The following CRYBG2 variants were observed in gnomAD, a reference collection of about 807,000 sequenced individuals.
CRYBG2 encodes beta/gamma crystallin domain-containing protein 2.
In CRYBG2, 106 loss-of-function variants were observed where a neutral mutation model predicts 153.4. That is an observed-to-expected ratio of 0.69 (90% CI 0.59 to 0.81). The LOEUF (loss-of-function observed/expected upper bound fraction) is 0.81, where lower values mean the gene tolerates loss of function less well. CRYBG2 is among the 30% of genes least tolerant of loss of function. The probability of loss-of-function intolerance (pLI) is 0.00; values close to 1 mark genes in which losing one functional copy is unlikely to be tolerated. For synonymous variants in CRYBG2, 851 were observed against 877.8 expected, an observed-to-expected ratio of 0.97 and a Z score of 0.54; for missense variants, 1,996 against 2,112.0, an observed-to-expected ratio of 0.95 and a Z score of 1.08.
rs1229868517 is a variant in CRYBG2, at chr1:26,344,467, C to T, written c.2191G>A (p.Glu731Lys). The T allele has an allele frequency of 2.0e-6, 3 of 1,536,936 alleles. No individual in the cohort carries two copies. The highest frequency in any genetic ancestry group is 2.7e-5 in the African/African-American group (2 of 72,868). The change falls in exon 2 of 20, where the codon GAG (glutamate) becomes AAG (lysine). Residue 731 changes from glutamate (E) to lysine (K), a missense_variant. Transcript: ENST00000308182. ...GTPAPVPTGA[E>K]ASTESQLVSD... ...ACAAGCTGGGACTCCGTGCTGGCCT[C>T]TGCTCCTGTTGGCACTGGGGCAGGG... is the stretch of plus-strand genomic sequence containing the variant.
Position 26,345,692 on chromosome 1 carries a change from A to G in CRYBG2, c.966T>C (p.Asp322=). Residue 322 remains aspartate, a synonymous_variant, in exon 2 of 20, where the codon GAT becomes GAC. Transcript: ENST00000308182. The part of the protein sequence containing the change: ...CPDRDQGRAP[D]ARACELWQVL... ...CCTGCCAGAGCTCACAGGCCCTGGC[A>G]TCCGGGGCTCTGCCCTGGTCTCTGT... The G allele has an allele frequency of 1.9e-6, 3 of 1,598,318 alleles. No individual in the cohort carries two copies. Among genetic ancestry groups the G allele is most frequent in the Non-Finnish European group, 1.7e-6 (2 of 1,179,564 alleles).
intron 17 of CRYBG2, among the ~76,000 whole-genome samples, chr1:26,324,635 C>G (rs779220179): frequency 4.6e-5 from 7 of 152,016 alleles, no homozygotes; most frequent in Non-Finnish European, 8.8e-5. Context: ...ACAGAAGACA[C>G]AAACACATGG....
rs1463957479 is a variant in CRYBG2, at chr1:26,325,584, T to TA, written c.4579-1275dup. Among the ~76,000 whole-genome samples, 2 of 141,102 alleles carry TA rather than the reference T, an allele frequency of 1.4e-5. No homozygotes were observed. Among genetic ancestry groups the TA allele is most frequent in the African/African-American group, 2.7e-5 (1 of 37,234 alleles). The allele number at this position is 141,102 out of a possible 152,430, so 92.6% of individuals were successfully genotyped here. On this transcript the variant is annotated intron_variant, in intron 17 of 19. Transcript: ENST00000308182. This position sits in a 1 kb window ranked among gnomAD's most constrained non-coding sequence, Gnocchi z 4.1. ...CAAAAATAAATTAATTAATAAAAATTAAAAAAATGAATGCACTCCCACAGA... is the reference window on the plus strand; with the variant it reads ...CAAAAATAAATTAATTAATAAAAATTAAAAAAAATGAATGCACTCCCACAGA...
At position 26,343,239 on chromosome 1, in the gene CRYBG2, A is replaced by G; in HGVS notation, c.2961+7T>C. 1.9e-6 allele frequency: 3 copies of G among 1,549,420 alleles called. No homozygotes were observed. The highest frequency in any genetic ancestry group is 1.2e-5 in the South Asian group (1 of 83,994). ...CTGCCCCCACCCACTTGCCCCCACA[A>G]CCCTACCTTTCCAGGCCTGGTGTTC... On this transcript the variant is annotated splice_region_variant and intron_variant, in intron 3 of 19. Coordinates refer to ENST00000308182, the MANE Select transcript of CRYBG2 (RefSeq NM_001039775.4). This position sits in a 1 kb window ranked among gnomAD's most constrained non-coding sequence, Gnocchi z 4.1.
Position 26,329,753 on chromosome 1 carries a change from T to C in CRYBG2, c.4315-880A>G, listed in dbSNP as rs1260817111. Among the ~76,000 whole-genome samples, 3 of 151,920 alleles carry C rather than the reference T, an allele frequency of 2.0e-5. No individual in the cohort carries two copies. The East Asian group carries it at 5.8e-4, about 29-fold the overall frequency. ...TGCTGAAGTGCTATAATTTATTTAC[T>C]TTATTTTTTTGAGATGGAGTCTCAC... On this transcript the variant is annotated intron_variant, in intron 15 of 19. Transcript: ENST00000308182.
Position 26,346,232 on chromosome 1 carries a change from C to T in CRYBG2, c.426G>A (p.Glu142=), listed in dbSNP as rs376737367. The change falls in exon 2 of 20, where the codon GAG becomes GAA. Residue 142 remains glutamate (E), a synonymous_variant. Coordinates refer to ENST00000308182, the MANE Select transcript of CRYBG2 (RefSeq NM_001039775.4). The surrounding 1 kb of genome is among the most constrained non-coding windows in gnomAD (Gnocchi z 4.9). ...GGGGCCCAGGCAGGGGAACCAAAAG[C>T]TCAGTCCTGGCCATAGCTCCCACAC... is the stretch of plus-strand genomic sequence containing the variant. ...PPCVGAMART[E]LLVPLPGPRE... 2.0e-4 allele frequency: 311 copies of T among 1,576,394 alleles called. 2 individuals are homozygous for T. The South Asian group carries it at 2.5e-3, about 13-fold the overall frequency.
At chr1:26,340,909 G>A (rs761242085) in intron 5 of CRYBG2, among the ~76,000 whole-genome samples, 5 of 151,358 alleles carry the variant, frequency 3.3e-5, no homozygotes, top group Non-Finnish European at 7.4e-5. Flanking sequence ...GAGCCACCGC[G>A]TCCAGCCTCT....
chr1:26,342,636 C>A (rs1049168754), intron 5 of CRYBG2, 118 bp downstream of exon 5: 1 of 1,459,286 alleles, frequency 6.9e-7, no homozygotes, highest in Admixed American at 2.0e-5. Context: ...TGTCCTCAGC[C>A]GATCCACCTG....
At position 26,336,266 on chromosome 1, in the gene CRYBG2, C is replaced by T. The variant is rs2074053305; in HGVS notation, c.4072-59G>A. ...GACGATGGAGTGGGGCCGAGAACAG[C>T]GGGGAGGGGAAAGGTCCGAAATGAG... On this transcript the variant is annotated intron_variant, in intron 13 of 19. Coordinates refer to ENST00000308182, the MANE Select transcript of CRYBG2 (RefSeq NM_001039775.4). This position sits in a 1 kb window ranked among gnomAD's most constrained non-coding sequence, Gnocchi z 4.9. 5 of 1,597,658 alleles carry T rather than the reference C, an allele frequency of 3.1e-6. No homozygotes were observed. The highest frequency in any genetic ancestry group is 8.5e-7 in the Non-Finnish European group (1 of 1,170,862).
At chr1:26,341,470 ATGT>A (rs2074128542) in intron 5 of CRYBG2, among the ~76,000 whole-genome samples, 1 of 152,192 alleles carries the variant, frequency 6.6e-6, no homozygotes, top group African/African-American at 2.4e-5. Context: ...GGTGAAAACA[ATGT>A]TGTTGTTTTC....
intron 5 of CRYBG2, among the ~76,000 whole-genome samples, chr1:26,341,802 T>G (rs2074133712): frequency 6.6e-6 from 1 of 152,176 alleles, no homozygotes. Flanking sequence ...ATTATAATGT[T>G]AACTTTTCAA....
In CRYBG2 at chr1:26,345,879, C is replaced by T; in HGVS notation, c.779G>A (p.Gly260Glu). The T allele has an allele frequency of 1.9e-6, 3 of 1,597,282 alleles. No homozygotes were observed. Among genetic ancestry groups the T allele is most frequent in the Non-Finnish European group, 2.5e-6 (3 of 1,179,474 alleles). The change falls in exon 2 of 20, where the codon GGG becomes GAG. Residue 260 changes from glycine (G) to glutamate (E), a missense_variant. Coordinates refer to ENST00000308182, the MANE Select transcript of CRYBG2 (RefSeq NM_001039775.4). The part of the protein sequence containing the change: ...ASHLPRPTAG[G>E]PRSTGLGSTV... ...GCTGCCCAGACCTGTGCTCCTTGGC[C>T]CGCCAGCCGTGGGCCTGGGCAGGTG...
At chr1:26,340,386 T>C (rs915151911) in intron 5 of CRYBG2, among the ~76,000 whole-genome samples, 1 of 152,224 alleles carries the variant, frequency 6.6e-6, no homozygotes, top group African/African-American at 2.4e-5. Flanking sequence ...AGCTTGTAAG[T>C]AGCAGAGCAG....
chr1:26,347,034 T>C (rs918801693), intron 1 of CRYBG2, among the ~76,000 whole-genome samples: 6 of 152,170 alleles, frequency 3.9e-5, no homozygotes, highest in South Asian at 2.1e-4. Context: ...CACAGGTCTA[T>C]AGGGGGGCTG....
At chr1:26,335,721 G>A (rs1411380042) in intron 14 of CRYBG2, among the ~76,000 whole-genome samples, 1 of 152,104 alleles carries the variant, frequency 6.6e-6, no homozygotes, top group Admixed American at 6.5e-5. Context: ...ACTGGGTATT[G>A]GGTAATATGA....
At chr1:26,323,680 G>A (rs1421139167) in intron 18 of CRYBG2, among the ~76,000 whole-genome samples, 3 of 151,806 alleles carry the variant, frequency 2.0e-5, no homozygotes, top group South Asian at 2.1e-4. Flanking sequence ...GTGCAGTGGC[G>A]CAATCCTCAC....
chr1:26,352,311 C>G (rs1390501359), intron 1 of CRYBG2, among the ~76,000 whole-genome samples: 2 of 152,014 alleles, frequency 1.3e-5, no homozygotes, highest in Non-Finnish European at 2.9e-5. Context: ...ATACACTCAC[C>G]CAAGAAATAC....
At chr1:26,348,010 T>C (rs1260759744) in intron 1 of CRYBG2, among the ~76,000 whole-genome samples, 1 of 152,060 alleles carries the variant, frequency 6.6e-6, no homozygotes, top group Non-Finnish European at 1.5e-5. Context: ...AGTAGCTCAC[T>C]GTAGCCTTGA....
Position 26,338,245 on chromosome 1 carries a change from T to G in CRYBG2, c.3471+106A>C, listed in dbSNP as rs1029341142. 3.9e-5 allele frequency: 58 copies of G among 1,505,090 alleles called. No homozygotes were observed. In the South Asian group the frequency reaches 7.0e-4, roughly 18 times the overall value. 93.2% of individuals were successfully genotyped at this position (1,505,090 alleles called of 1,614,324 possible). ...AGGAAGCAGTCTCCAAGGGGTGCTGTTTTACACTTCATCCCCCATCCCTTC... is the reference window on the plus strand; with the variant it reads ...AGGAAGCAGTCTCCAAGGGGTGCTGGTTTACACTTCATCCCCCATCCCTTC... On this transcript the variant is annotated intron_variant, in intron 7 of 19. Coordinates refer to ENST00000308182, the MANE Select transcript of CRYBG2 (RefSeq NM_001039775.4).
Sources: gnomAD v4.1 joint callset for allele counts (sites outside exome capture counted in the v4.1 genomes callset) on GRCh38, gnomAD v4.1.1 for gene constraint, Gnocchi (gnomAD v3.1) non-coding constraint, MANE v1.5 for transcripts, NCBI Gene and HGNC (gene_info 2026-07-23, HGNC 2026-07-21) for gene names.